ABCC4: variants seen among roughly 807,000 people sequenced by gnomAD.
ABCC4 encodes the protein ATP binding cassette subfamily C member 4 (PEL blood group).
ABCC4 carries 102 observed loss-of-function variants against 168.5 expected under a neutral mutation model. The ratio of observed to expected loss-of-function variants is 0.61; its 90% CI spans 0.52 to 0.71. The LOEUF is 0.71. Ranked by LOEUF, ABCC4 falls within the 30% of genes least tolerant of loss-of-function variation. ABCC4 has a pLI of 0.00. For synonymous variants in ABCC4, 617 were observed against 590.7 expected, an observed-to-expected ratio of 1.04 and a Z score of -0.65; for missense variants, 1,402 against 1,605.8, an observed-to-expected ratio of 0.87 and a Z score of 2.17.
intron 15 of ABCC4, 151 bp from the exon 16 acceptor site, chr13:95,164,669 A>C: frequency 1.5e-6 from 1 of 685,082 alleles, no homozygotes; most frequent in Non-Finnish European, 2.3e-6. Flanking sequence ...ATAGCTAGCC[A>C]AACTATACAT....
At chr13:95,160,590 A>C (rs1206319752) in intron 19 of ABCC4, among the ~76,000 whole-genome samples, 1 of 152,216 alleles carries the variant, frequency 6.6e-6, no homozygotes, top group East Asian at 1.9e-4. Flanking sequence ...TCTACTTCAA[A>C]ACCACAGAGT....
chr13:95,183,453 A>C (rs1413531762), intron 11 of ABCC4, among the ~76,000 whole-genome samples: 1 of 152,198 alleles, frequency 6.6e-6, no homozygotes, highest in Non-Finnish European at 1.5e-5. Context: ...AAATGATCTC[A>C]TAACTCATTA....
chr13:95,175,191 C>CTA (rs1247253761), intron 13 of ABCC4, among the ~76,000 whole-genome samples: 1 of 152,216 alleles, frequency 6.6e-6, no homozygotes, highest in East Asian at 1.9e-4. Context: ...AGCCGACTCG[C>CTA]TATCCACTTT....
chr13:95,043,747 C>T lies in ABCC4; in HGVS notation c.3670G>A (p.Ala1224Thr). 1 of 1,613,714 alleles carries T rather than the reference C, an allele frequency of 6.2e-7. No individual in the cohort carries two copies. Among genetic ancestry groups the T allele is most frequent in the African/African-American group, 1.3e-5 (1 of 74,936 alleles). The change falls in exon 29 of 31, where the codon GCC becomes ACC. Residue 1224 changes from alanine to threonine, a missense_variant. Ala to Thr is a moderately conservative substitution (Grantham distance 58). Transcript: ENST00000645237. ...LIQKKIREKFAHCTVLTIAHR... is the reference protein window; with the variant it reads ...LIQKKIREKFTHCTVLTIAHR... ...GCAATGGTTAGCACGGTGCAGTGGG[C>T]AAATTTCTCCCGGATTTTTTTTTGT...
intron 4 of ABCC4, among the ~76,000 whole-genome samples, chr13:95,225,701 C>A (rs1180238522): frequency 6.6e-6 from 1 of 151,710 alleles, no homozygotes; most frequent in Non-Finnish European, 1.5e-5. Context: ...AATAAAATAC[C>A]ATTTATAACA....
At chr13:95,286,821 G>A (rs2041268131) in intron 1 of ABCC4, among the ~76,000 whole-genome samples, 3 of 151,818 alleles carry the variant, frequency 2.0e-5, no homozygotes, top group African/African-American at 7.3e-5. Flanking sequence ...GCCAGGTGTG[G>A]TGGCACACGC....
At chr13:95,161,359 G>A in intron 18 of ABCC4, 24 bp from the exon 19 acceptor site, 1 of 1,552,512 alleles carries the variant, frequency 6.4e-7, no homozygotes, top group Non-Finnish European at 8.7e-7. Context: ...ATATCACTTA[G>A]AGAACACAGC....
chr13:95,058,809 C>G (rs774135370), intron 26 of ABCC4, among the ~76,000 whole-genome samples: 7 of 152,230 alleles, frequency 4.6e-5, no homozygotes, highest in Non-Finnish European at 7.4e-5. Flanking sequence ...CCCTGCAGGG[C>G]TGCAGTGACA....
intron 30 of ABCC4, among the ~76,000 whole-genome samples, chr13:95,031,918 T>C (rs1366450065): frequency 6.6e-6 from 1 of 152,186 alleles, no homozygotes; most frequent in Non-Finnish European, 1.5e-5. Flanking sequence ...GGTATTTTGA[T>C]ATATAGATAG....
chr13:95,278,805 GGA>G (rs1491121105), intron 1 of ABCC4, among the ~76,000 whole-genome samples: 2 of 37,442 alleles, frequency 5.3e-5, no homozygotes, highest in East Asian at 7.5e-4. Flanking sequence ...ACCCTGTCTC[GGA>G]AAAAAAAAAA....
At chr13:95,238,609 G>A (rs1341061136) in intron 3 of ABCC4, among the ~76,000 whole-genome samples, 1 of 152,242 alleles carries the variant, frequency 6.6e-6, no homozygotes, top group Admixed American at 6.5e-5. Flanking sequence ...AGGCTGGAGT[G>A]CAGTGGTGCA....
chr13:95,152,119 A>T (rs981854157), intron 19 of ABCC4, among the ~76,000 whole-genome samples: 1 of 152,290 alleles, frequency 6.6e-6, no homozygotes, highest in African/African-American at 2.4e-5. Flanking sequence ...ACAACAGGAG[A>T]ACTTGGTCTA....
At position 95,178,008 on chromosome 13, in the gene ABCC4, T is replaced by C. The variant is rs1293048226; in HGVS notation, c.1629A>G (p.Val543=). Residue 543 remains valine (V), a synonymous_variant, in exon 12 of 31, where the codon GTA becomes GTG. Transcript: ENST00000645237. ...TTLSGGQKAR[V]NLARAVYQDA... Reference sequence around the variant, plus strand: ...GAAATGCAACTTACCTTGCAAGGTTTACCCGTGCTTTCTGCCCTCCACTCA... The same window carrying C: ...GAAATGCAACTTACCTTGCAAGGTTCACCCGTGCTTTCTGCCCTCCACTCA... The C allele has an allele frequency of 6.2e-7, 1 of 1,614,084 alleles. No individual in the cohort carries two copies. The highest frequency in any genetic ancestry group is 8.5e-7 in the Non-Finnish European group (1 of 1,180,024).
chr13:95,219,796 G>A (rs533862152), intron 4 of ABCC4, among the ~76,000 whole-genome samples: 1 of 152,128 alleles, frequency 6.6e-6, no homozygotes, highest in Admixed American at 6.5e-5. Flanking sequence ...TAGGATTAGA[G>A]GTGTGTTTGG....
Position 95,033,740 on chromosome 13 carries a change from G to A in ABCC4, c.3870+865C>T, listed in dbSNP as rs1226932400. ...TGCAGTGGCGTGATCTTGGCCCACC[G>A]CAACCTCCGCCTCCTCGGTTCAAGT... is the stretch of plus-strand genomic sequence containing the variant. On this transcript the variant is annotated intron_variant, in intron 30 of 30. Transcript: ENST00000645237. Among the ~76,000 whole-genome samples the A allele has an allele frequency of 8.1e-5, 12 of 148,930 alleles. No homozygotes were observed. In the South Asian group the frequency reaches 1.5e-3, roughly 18 times the overall value.
chr13:95,187,172 A>G (rs61965908), intron 10 of ABCC4, among the ~76,000 whole-genome samples: 20,892 of 152,274 alleles, frequency 0.14, 1,928 homozygotes, highest in Non-Finnish European at 0.2. Context: ...ACACGGAACA[A>G]AGATCAACTA....
At chr13:95,237,959 C>A (rs1457823856) in intron 3 of ABCC4, among the ~76,000 whole-genome samples, 4 of 151,994 alleles carry the variant, frequency 2.6e-5, no homozygotes, top group Non-Finnish European at 5.9e-5. Context: ...CTTTGGGAGG[C>A]CGAGGTGGGC....
chr13:95,158,421 A>C (rs968787123), intron 19 of ABCC4, among the ~76,000 whole-genome samples: 1 of 152,176 alleles, frequency 6.6e-6, no homozygotes, highest in Non-Finnish European at 1.5e-5. Flanking sequence ...ACGTCTAGCC[A>C]GACCCCCGGT....
chr13:95,230,328 C>T (rs1243850508), intron 4 of ABCC4, among the ~76,000 whole-genome samples: 2 of 152,126 alleles, frequency 1.3e-5, no homozygotes, highest in Non-Finnish European at 2.9e-5. Flanking sequence ...ATTTAGTTCT[C>T]AAGTTAAACA....
Sources: allele counts gnomAD v4.1 joint callset (sites outside exome capture counted in the v4.1 genomes callset), GRCh38; gene constraint gnomAD v4.1.1; transcripts MANE v1.5; gene names NCBI Gene and HGNC (gene_info 2026-07-23, HGNC 2026-07-21).